SLC71A1: variants seen among roughly 807,000 people sequenced by gnomAD.
SLC71A1 encodes the protein hippocampus abundant gene transcript 1.
At chr1:100,077,146 C>CT in the SLC71A1 span, 76,835 of 861,128 alleles carry the variant, frequency 0.089, 347 homozygotes, top group African/African-American at 0.14. Context: ...TCTGATAAAT[C>CT]TTTTTTTTTT....
At chr1:100,081,057 A>G in the SLC71A1 span, among the ~76,000 whole-genome samples, 2 of 152,208 alleles carry the variant, frequency 1.3e-5, no homozygotes, top group Non-Finnish European at 2.9e-5. Flanking sequence ...AATTAATGCC[A>G]AACAATGCTG....
chr1:100,055,455 T>C, the SLC71A1 span, among the ~76,000 whole-genome samples: 1 of 151,992 alleles, frequency 6.6e-6, no homozygotes, highest in Non-Finnish European at 1.5e-5. Context: ...ATCACTTAGC[T>C]ACTTAGTTAA....
the SLC71A1 span, among the ~76,000 whole-genome samples, chr1:100,071,115 T>C: frequency 1.1e-4 from 17 of 151,810 alleles, no homozygotes; most frequent in African/African-American, 3.9e-4. Flanking sequence ...TTTTTAACTT[T>C]GGAGGAAAAT....
At chr1:100,074,305 T>G in the SLC71A1 span, among the ~76,000 whole-genome samples, 1 of 152,188 alleles carries the variant, frequency 6.6e-6, no homozygotes. Flanking sequence ...CCGGGCACGG[T>G]GGCCCACACC....
At chr1:100,040,623 G>GCTAATTTTTTATATTTT in the SLC71A1 span, among the ~76,000 whole-genome samples, 1 of 152,024 alleles carries the variant, frequency 6.6e-6, no homozygotes, top group Non-Finnish European at 1.5e-5. Context: ...ACCATGCCTG[G>GCTAATTTTTTATATTTT]CTAATTTTTT....
At chr1:100,081,998 C>T in the SLC71A1 span, 1 of 1,607,508 alleles carries the variant, frequency 6.2e-7, no homozygotes. Context: ...TTTATTCTTC[C>T]TCAGAATTCC....
chr1:100,077,128 A>C, the SLC71A1 span: 1 of 1,022,818 alleles, frequency 9.8e-7, no homozygotes, highest in Non-Finnish European at 1.5e-6. Context: ...CACTTTTTAA[A>C]ACTTTATTCT....
chr1:100,058,311 G>A, the SLC71A1 span, among the ~76,000 whole-genome samples: 1 of 152,178 alleles, frequency 6.6e-6, no homozygotes, highest in Non-Finnish European at 1.5e-5. Flanking sequence ...ATAGCATAGT[G>A]AGTAAAAACA....
chr1:100,050,130 A>C, the SLC71A1 span: 1 of 548,248 alleles, frequency 1.8e-6, no homozygotes, highest in Non-Finnish European at 3.2e-6. Flanking sequence ...AGTATTCACC[A>C]GTATTTTACT....
At chr1:100,042,607 T>C in the SLC71A1 span, among the ~76,000 whole-genome samples, 2 of 151,930 alleles carry the variant, frequency 1.3e-5, no homozygotes, top group South Asian at 2.1e-4. Context: ...TCTTTTTCTT[T>C]CTTTTTTTTT....
At chr1:100,068,345 G>C in the SLC71A1 span, 1 of 929,816 alleles carries the variant, frequency 1.1e-6, no homozygotes, top group Non-Finnish European at 1.6e-6. Flanking sequence ...TGGGGAATAT[G>C]AAATAAATAA....
chr1:100,069,886 G>A, the SLC71A1 span, among the ~76,000 whole-genome samples: 7 of 152,140 alleles, frequency 4.6e-5, no homozygotes, highest in Admixed American at 6.5e-5. Context: ...ATATATAAAC[G>A]TAAAAGCTAG....
chr1:100,060,198 A>C, the SLC71A1 span, among the ~76,000 whole-genome samples: 1 of 152,220 alleles, frequency 6.6e-6, no homozygotes, highest in Admixed American at 6.5e-5. Flanking sequence ...AGATTTTAGA[A>C]ATAGTTGACA....
the SLC71A1 span, among the ~76,000 whole-genome samples, chr1:100,065,511 T>TTTTCAC: frequency 7.5e-6 from 1 of 132,994 alleles, no homozygotes. Flanking sequence ...CCCTTTCCAC[T>TTTTCAC]TTTCACTTTC....
the SLC71A1 span, among the ~76,000 whole-genome samples, chr1:100,041,320 G>A: frequency 6.6e-6 from 1 of 152,180 alleles, no homozygotes; most frequent in African/African-American, 2.4e-5. Flanking sequence ...CTACCTATGT[G>A]AGTAGACACA....
At chr1:100,046,496 G>C in the SLC71A1 span, among the ~76,000 whole-genome samples, 2 of 152,114 alleles carry the variant, frequency 1.3e-5, no homozygotes, top group African/African-American at 2.4e-5. Context: ...AAAGTGCTGG[G>C]ATTACAGGCG....
At chr1:100,059,940 A>G in the SLC71A1 span, 1 of 1,613,074 alleles carries the variant, frequency 6.2e-7, no homozygotes, top group Admixed American at 1.7e-5. Flanking sequence ...GGGGCCGAAA[A>G]TCCTTCTTGC....
chr1:100,043,789 T>C, the SLC71A1 span, among the ~76,000 whole-genome samples: 1 of 152,272 alleles, frequency 6.6e-6, no homozygotes, highest in Admixed American at 6.5e-5. Context: ...CTCTCACTTG[T>C]AAGTGAGAAC....
chr1:100,038,426 C>G, the SLC71A1 span: 2 of 897,482 alleles, frequency 2.2e-6, no homozygotes, highest in Non-Finnish European at 3.6e-6. Flanking sequence ...TCCCTTCCCC[C>G]ACCCTGTCCG....
Sources: gnomAD v4.1 joint callset for allele counts (sites outside exome capture counted in the v4.1 genomes callset) on GRCh38, gnomAD v4.1.1 for gene constraint, MANE v1.5 for transcripts, NCBI Gene and HGNC (gene_info 2026-07-23, HGNC 2026-07-21) for gene names.